Variants in CDK5RAP2 observed in about 807,000 individuals in gnomAD.
CDK5RAP2 encodes the protein CDK5 regulatory subunit associated protein 2.
CDK5RAP2 carries 147 observed loss-of-function variants against 232.9 expected under a neutral mutation model. That is an observed-to-expected ratio of 0.63 (90% CI 0.55 to 0.72). The LOEUF is 0.72. Ranked by LOEUF, CDK5RAP2 falls within the 30% of genes least tolerant of loss-of-function variation. The pLI, the probability that CDK5RAP2 is intolerant of heterozygous loss-of-function variation, is 0.00. For synonymous variants in CDK5RAP2, 833 were observed against 833.7 expected, an observed-to-expected ratio of 1.00 and a Z score of 0.01; for missense variants, 2,195 against 2,231.5, an observed-to-expected ratio of 0.98 and a Z score of 0.33.
In CDK5RAP2 at chr9:120,550,734, G is replaced by C. The variant is rs925886488; in HGVS notation, c.306+58C>G. 4 of 962,238 alleles carry C rather than the reference G, an allele frequency of 4.2e-6. No homozygotes were observed. The African/African-American group carries it at 6.4e-5, about 15-fold the overall frequency. 59.6% of individuals were successfully genotyped at this position (962,238 alleles called of 1,614,324 possible). On this transcript the variant is annotated intron_variant, in intron 4 of 37. Transcript: ENST00000349780. ...AAGAACAAATATTAATCAAATTTCT[G>C]CTTGAAATGACAATGAGAAAGGACA...
intron 25 of CDK5RAP2, among the ~76,000 whole-genome samples, chr9:120,427,427 C>T (rs2034984882): frequency 1.3e-5 from 2 of 152,176 alleles, no homozygotes; most frequent in South Asian, 4.1e-4. Flanking sequence ...TACTGCTCTC[C>T]CCCATAGAGG....
chr9:120,403,781 A>C lies in CDK5RAP2; in HGVS notation c.5041+255T>G, dbSNP rs886901090. ...GAGCTGGATCCTGGAGGGCCTTGAA[A>C]GCCTCACAAAGGTGGTCACAATTTT... On this transcript the variant is annotated intron_variant, in intron 33 of 37. Coordinates refer to ENST00000349780, the MANE Select transcript of CDK5RAP2 (RefSeq NM_018249.6). The surrounding 1 kb of genome is among the most constrained non-coding windows in gnomAD (Gnocchi z 4.2). 1 of 528,134 alleles carries C rather than the reference A, an allele frequency of 1.9e-6. No individual in the cohort carries two copies. The highest frequency in any genetic ancestry group is 3.4e-6 in the Non-Finnish European group (1 of 292,548). 32.7% of individuals were successfully genotyped at this position (528,134 alleles called of 1,614,324 possible). A position where few individuals can be genotyped will look rare whatever the true frequency, so the allele number is the denominator to read the frequency against.
intron 35 of CDK5RAP2, among the ~76,000 whole-genome samples, chr9:120,399,766 G>C (rs756279693): frequency 3.3e-5 from 5 of 151,976 alleles, no homozygotes; most frequent in Non-Finnish European, 7.4e-5. Context: ...GCTAAACGTG[G>C]GCCAAAAAAA....
At chr9:120,492,242 G>C (rs1330826907) in intron 12 of CDK5RAP2, among the ~76,000 whole-genome samples, 2 of 152,106 alleles carry the variant, frequency 1.3e-5, no homozygotes, top group African/African-American at 4.8e-5. Context: ...TTCTCACAAT[G>C]GAGCACTCTT....
rs958558438 is a variant in CDK5RAP2 at position 120,396,664 on chromosome 9, T to C, written c.5452-2026A>G. ...CTGTACTGACCACACACTCATTTCCTCCCTCTAACCACCAGTGTCTGGCGC... is the reference window on the plus strand; with the variant it reads ...CTGTACTGACCACACACTCATTTCCCCCCTCTAACCACCAGTGTCTGGCGC... On this transcript the variant is annotated intron_variant, in intron 35 of 37. Transcript: ENST00000349780. Among the ~76,000 whole-genome samples the C allele has an allele frequency of 2.4e-4, 36 of 152,160 alleles. 1 individual carries two copies. The highest frequency in any genetic ancestry group is 8.8e-5 in the Non-Finnish European group (6 of 68,038).
chr9:120,398,392 C>A (rs531618782), intron 35 of CDK5RAP2, among the ~76,000 whole-genome samples: 1 of 152,028 alleles, frequency 6.6e-6, no homozygotes, highest in African/African-American at 2.4e-5. Context: ...AAAATATAAC[C>A]ATTAACAAGA....
intron 11 of CDK5RAP2, 30 bp from the exon 12 acceptor site, chr9:120,518,675 G>A (rs762670122): frequency 6.4e-7 from 1 of 1,569,040 alleles, no homozygotes; most frequent in Admixed American, 1.7e-5. Context: ...AGCAAGATGA[G>A]CTAATTTTCA....
At position 120,443,709 on chromosome 9, in the gene CDK5RAP2, C is replaced by A; in HGVS notation, c.3059G>T (p.Ser1020Ile). The A allele has an allele frequency of 6.2e-7, 1 of 1,614,062 alleles. No individual in the cohort carries two copies. The highest frequency in any genetic ancestry group is 8.5e-7 in the Non-Finnish European group (1 of 1,179,964). ...TTTAATTCCTTTCTGCTCTCCTGGGCTGTCCTGGTAGGCTGCTCCCACAGG... is the reference window on the plus strand; with the variant it reads ...TTTAATTCCTTTCTGCTCTCCTGGGATGTCCTGGTAGGCTGCTCCCACAGG... ...QPPVGAAYQD[S>I]PGEQKGIKTT... Residue 1020 changes from serine to isoleucine, a missense_variant, in exon 23 of 38, where the codon AGC becomes ATC. Transcript: ENST00000349780.
Position 120,432,099 on chromosome 9 carries a change from G to A in CDK5RAP2, c.3955+5196C>T, listed in dbSNP as rs567520704. Among the ~76,000 whole-genome samples the A allele has an allele frequency of 5.3e-5, 8 of 152,338 alleles. No individual in the cohort carries two copies. The East Asian group carries it at 1.5e-3, about 29-fold the overall frequency. On this transcript the variant is annotated intron_variant, in intron 25 of 37. Transcript: ENST00000349780. ...ATTATTAAAGAAATAGCAAGGATATGCACAAAGATTCCAGTACAGTGTTCT... is the reference window on the plus strand; with the variant it reads ...ATTATTAAAGAAATAGCAAGGATATACACAAAGATTCCAGTACAGTGTTCT...
chr9:120,547,047 T>C (rs1403491063), intron 4 of CDK5RAP2, among the ~76,000 whole-genome samples: 2 of 151,916 alleles, frequency 1.3e-5, no homozygotes, highest in Non-Finnish European at 2.9e-5. Flanking sequence ...AGTGCAGTGG[T>C]GCGATCTCAG....
At chr9:120,542,157 T>C (rs1230878361) in intron 5 of CDK5RAP2, among the ~76,000 whole-genome samples, 1 of 152,146 alleles carries the variant, frequency 6.6e-6, no homozygotes, top group Non-Finnish European at 1.5e-5. Flanking sequence ...ATATTTTCCA[T>C]CAACAAGTAT....
At chr9:120,548,821 A>C (rs1238864307) in intron 4 of CDK5RAP2, among the ~76,000 whole-genome samples, 1 of 152,268 alleles carries the variant, frequency 6.6e-6, no homozygotes, top group Non-Finnish European at 1.5e-5. Context: ...AAAAACAAAA[A>C]GAATAAAGAA....
chr9:120,563,761 G>A (rs2042545306), intron 3 of CDK5RAP2, among the ~76,000 whole-genome samples: 1 of 152,210 alleles, frequency 6.6e-6, no homozygotes, highest in African/African-American at 2.4e-5. Context: ...GGCAGGGGTG[G>A]AAGGTGAGGG....
intron 25 of CDK5RAP2, among the ~76,000 whole-genome samples, chr9:120,436,129 C>A (rs1397533655): frequency 1.3e-5 from 2 of 152,170 alleles, no homozygotes; most frequent in African/African-American, 4.8e-5. Context: ...AAGTTAATAT[C>A]ACCAAAAACG....
intron 14 of CDK5RAP2, among the ~76,000 whole-genome samples, chr9:120,482,107 T>C (rs1369941779): frequency 1.3e-5 from 2 of 152,176 alleles, no homozygotes; most frequent in African/African-American, 4.8e-5. Flanking sequence ...AGCTAGTAAC[T>C]GCTACAGTCA....
chr9:120,403,266 C>T lies in CDK5RAP2; in HGVS notation c.5042-195G>A, dbSNP rs2033194915. The T allele has an allele frequency of 5.1e-6, 3 of 587,724 alleles. No individual in the cohort carries two copies. Among genetic ancestry groups the T allele is most frequent in the Non-Finnish European group, 9.1e-6 (3 of 330,528 alleles). 36.4% of individuals were successfully genotyped at this position (587,724 alleles called of 1,614,324 possible). On this transcript the variant is annotated intron_variant, in intron 33 of 37. Transcript: ENST00000349780. The surrounding 1 kb of genome is among the most constrained non-coding windows in gnomAD (Gnocchi z 4.2). ...ACCCCACACTGGGCTTATGAGTCATCTTGTAGGAGAGGCTCAAGTCAACTC... is the reference window on the plus strand; with the variant it reads ...ACCCCACACTGGGCTTATGAGTCATTTTGTAGGAGAGGCTCAAGTCAACTC...
rs780955057 is a variant in CDK5RAP2, at chr9:120,487,717, C to T, written c.1483-280G>A. Among the ~76,000 whole-genome samples the T allele has an allele frequency of 9.8e-5, 15 of 152,306 alleles. No homozygotes were observed. The Middle Eastern group carries it at 0.01, about 104-fold the overall frequency. ...CCTCGCTCACCACCACTGTGACTAC[C>T]TTCCAGTGGGTGTGGAGGACAAAGC... is the stretch of plus-strand genomic sequence containing the variant. On this transcript the variant is annotated intron_variant, in intron 13 of 37. Transcript: ENST00000349780.
intron 2 of CDK5RAP2, 130 bp from the exon 3 acceptor site, chr9:120,568,518 C>A: frequency 3.9e-6 from 3 of 769,402 alleles, no homozygotes; most frequent in Non-Finnish European, 7.1e-6. Context: ...TACTTGCTGT[C>A]TTTTGTGATT....
At chr9:120,480,397 T>C (rs917591259) in intron 14 of CDK5RAP2, among the ~76,000 whole-genome samples, 2 of 152,190 alleles carry the variant, frequency 1.3e-5, no homozygotes, top group South Asian at 2.1e-4. Context: ...CTACAAACCA[T>C]AGTAATACTA....
Sources: gnomAD v4.1 joint callset for allele counts (sites outside exome capture counted in the v4.1 genomes callset) on GRCh38, gnomAD v4.1.1 for gene constraint, Gnocchi (gnomAD v3.1) non-coding constraint, MANE v1.5 for transcripts, NCBI Gene and HGNC (gene_info 2026-07-23, HGNC 2026-07-21) for gene names.